The following USP25 variants were observed in gnomAD, a reference collection of about 807,000 sequenced individuals.
The protein encoded by USP25 is ubiquitin carboxyl-terminal hydrolase 25.
Under a neutral mutation model 158.5 loss-of-function variants are expected in USP25, and 85 were observed. The observed-to-expected ratio is 0.54, with a 90% CI of 0.45 to 0.64. The LOEUF (loss-of-function observed/expected upper bound fraction) is 0.64. Ranked by LOEUF, USP25 falls within the 30% of genes least tolerant of loss-of-function variation. USP25 has a pLI of 0.00. For missense variants in USP25, 1,242 were observed against 1,327.3 expected (o/e 0.94, Z 1.00); for synonymous variants, 464 against 460.4 (o/e 1.01, Z -0.10).
chr21:15,749,220 C>T (rs2032804450), intron 1 of USP25, among the ~76,000 whole-genome samples: 1 of 152,080 alleles, frequency 6.6e-6, no homozygotes, highest in Admixed American at 6.6e-5. Context: ...TATTTGAGTG[C>T]CTGGGCAATC....
In USP25 at chr21:15,833,397, A is replaced by G; in HGVS notation, c.2043A>G (p.Leu681=). The G allele has an allele frequency of 6.2e-7, 1 of 1,614,058 alleles. No homozygotes were observed. The highest frequency in any genetic ancestry group is 1.3e-5 in the African/African-American group (1 of 75,046). ...AGCCCCTTGTTGGTATAGAAACATTACCACCGGATTTGAGAGATTTTGTTG... is the reference window on the plus strand; with the variant it reads ...AGCCCCTTGTTGGTATAGAAACATTGCCACCGGATTTGAGAGATTTTGTTG... ...TGQPLVGIET[L]PPDLRDFVEE... The change falls in exon 17 of 26, where the codon TTA becomes TTG. Residue 681 remains leucine, a synonymous_variant. Transcript: ENST00000400183.
rs886891109 is a variant in USP25, at chr21:15,875,196, C to T, written c.3009+670C>T. ...TCTGTCTCAAAAAAACAAGAATATA[C>T]ATAGAATGTATTAGAGTAATTTGTT... On this transcript the variant is annotated intron_variant, in intron 24 of 25. Coordinates refer to ENST00000400183, the MANE Select transcript of USP25 (RefSeq NM_001283041.3). The surrounding 1 kb of genome is among the most constrained non-coding windows in gnomAD (Gnocchi z 4.7). Among the ~76,000 whole-genome samples, 4 of 152,080 alleles carry T rather than the reference C, an allele frequency of 2.6e-5. No homozygotes were observed. The highest frequency in any genetic ancestry group is 2.6e-4 in the Admixed American group (4 of 15,256).
intron 4 of USP25, among the ~76,000 whole-genome samples, chr21:15,789,592 A>G (rs1440844104): frequency 6.6e-6 from 1 of 152,004 alleles, no homozygotes; most frequent in Non-Finnish European, 1.5e-5. Flanking sequence ...CTTTTTACAT[A>G]TTGTCTGTCT....
intron 4 of USP25, among the ~76,000 whole-genome samples, chr21:15,782,363 A>G (rs1730523962): frequency 2.0e-5 from 3 of 152,210 alleles, no homozygotes; most frequent in African/African-American, 7.2e-5. Context: ...CCTTTAGTCC[A>G]ATAGCTGGTT....
At chr21:15,795,897 C>T (rs77314106) in intron 5 of USP25, among the ~76,000 whole-genome samples, 37 of 151,466 alleles carry the variant, frequency 2.4e-4, no homozygotes, top group African/African-American at 8.7e-4. Context: ...TTTAATCCTC[C>T]GAGGAGAATT....
intron 1 of USP25, among the ~76,000 whole-genome samples, chr21:15,758,230 T>A (rs2033510941): frequency 6.6e-6 from 1 of 152,182 alleles, no homozygotes; most frequent in African/African-American, 2.4e-5. Flanking sequence ...TGGAAGGACA[T>A]GCATTTGTAT....
At position 15,745,353 on chromosome 21, in the gene USP25, A is replaced by G. The variant is rs145569881; in HGVS notation, c.45+14915A>G. ...ATGTAATTACAAATACTTTCTCCCA[A>G]TGTGTGGCTTGTATTTGCATTTTCT... On this transcript the variant is annotated intron_variant, in intron 1 of 25. Transcript: ENST00000400183. Among the ~76,000 whole-genome samples, 330 of 151,796 alleles carry G rather than the reference A, an allele frequency of 2.2e-3. 2 individuals carry two copies. Among genetic ancestry groups the G allele is most frequent in the African/African-American group, 7.8e-3 (322 of 41,382 alleles).
chr21:15,808,140 T>A (rs780810721), intron 7 of USP25, among the ~76,000 whole-genome samples: 1 of 152,192 alleles, frequency 6.6e-6, no homozygotes, highest in Non-Finnish European at 1.5e-5. Flanking sequence ...TAGAGTTGAT[T>A]TATTGTTTTT....
At position 15,826,776 on chromosome 21, in the gene USP25, C is replaced by T. The variant is rs927155942; in HGVS notation, c.1467-201C>T. ...AATAAATATGATTAAGCTGTTTTAA[C>T]TCTAAAGCTACAACTTCATCTTATA... is the stretch of plus-strand genomic sequence containing the variant. On this transcript the variant is annotated intron_variant, in intron 13 of 25. Coordinates refer to ENST00000400183, the MANE Select transcript of USP25 (RefSeq NM_001283041.3). The surrounding 1 kb of genome is among the most constrained non-coding windows in gnomAD (Gnocchi z 4.8). Among the ~76,000 whole-genome samples, 1 of 152,112 alleles carries T rather than the reference C, an allele frequency of 6.6e-6. No homozygotes were observed. The highest frequency in any genetic ancestry group is 1.5e-5 in the Non-Finnish European group (1 of 68,024).
At chr21:15,799,658 G>A (rs2036033510) in intron 5 of USP25, 99 bp from the exon 6 acceptor site, 1 of 704,202 alleles carries the variant, frequency 1.4e-6, no homozygotes. Flanking sequence ...AGTATAAGTA[G>A]TACACAGTTG....
chr21:15,859,173 G>A (rs1283290861), intron 20 of USP25, among the ~76,000 whole-genome samples: 3 of 148,306 alleles, frequency 2.0e-5, no homozygotes, highest in Admixed American at 2.0e-4. Flanking sequence ...TAACCATTAA[G>A]GAGGCTTTCT....
At position 15,828,059 on chromosome 21, in the gene USP25, A is replaced by G. The variant is rs572164104; in HGVS notation, c.1693+856A>G. Among the ~76,000 whole-genome samples the G allele has an allele frequency of 2.8e-4, 42 of 152,206 alleles. No individual in the cohort carries two copies. In the South Asian group the frequency reaches 8.7e-3, roughly 32 times the overall value. On this transcript the variant is annotated intron_variant, in intron 14 of 25. Transcript: ENST00000400183. ...TTTTGAAAAAAATGAACTATGTGACATGGTTGGAATTATATTGAACAATAT... is the reference window on the plus strand; with the variant it reads ...TTTTGAAAAAAATGAACTATGTGACGTGGTTGGAATTATATTGAACAATAT...
intron 8 of USP25, 56 bp from the exon 9 acceptor site, chr21:15,811,081 C>T (rs575122139): frequency 1.4e-6 from 2 of 1,441,248 alleles, no homozygotes; most frequent in Non-Finnish European, 1.9e-6. Flanking sequence ...TTAATATTTT[C>T]TCTATTTATA....
Position 15,826,923 on chromosome 21 carries a change from G to A in USP25, c.1467-54G>A, listed in dbSNP as rs555415462. 9.9e-5 allele frequency: 156 copies of A among 1,581,234 alleles called. 3 individuals are homozygous for A. In the South Asian group the frequency reaches 1.7e-3, roughly 17 times the overall value. ...ATACTGTGGGTTTGGCACGATCTTT[G>A]TCAAGAGTTTCAGCTTGAAAGGTTA... On this transcript the variant is annotated intron_variant, in intron 13 of 25. Transcript: ENST00000400183. This position sits in a 1 kb window ranked among gnomAD's most constrained non-coding sequence, Gnocchi z 4.8.
chr21:15,778,066 T>A (rs1318644776), intron 4 of USP25, 39 bp downstream of exon 4: 3 of 1,493,408 alleles, frequency 2.0e-6, no homozygotes, highest in African/African-American at 1.4e-5. Context: ...ATAAGTACTT[T>A]TAAAAATAGA....
At chr21:15,804,860 C>T (rs1268110061) in intron 6 of USP25, among the ~76,000 whole-genome samples, 1 of 152,072 alleles carries the variant, frequency 6.6e-6, no homozygotes, top group Admixed American at 6.6e-5. Context: ...TGAGTAATGA[C>T]ATGATTTGCT....
intron 4 of USP25, among the ~76,000 whole-genome samples, chr21:15,789,964 A>G (rs2035502320): frequency 6.6e-6 from 1 of 152,024 alleles, no homozygotes; most frequent in Admixed American, 6.6e-5. Context: ...CAGTTTGTTC[A>G]GGTTATTATT....
intron 2 of USP25, among the ~76,000 whole-genome samples, chr21:15,763,444 C>T (rs957174668): frequency 6.6e-6 from 1 of 152,046 alleles, no homozygotes; most frequent in Non-Finnish European, 1.5e-5. Flanking sequence ...GTTAAACATT[C>T]AATTTCAAAC....
chr21:15,813,800 T>C (rs2036794858), intron 9 of USP25, among the ~76,000 whole-genome samples: 1 of 152,090 alleles, frequency 6.6e-6, no homozygotes, highest in East Asian at 1.9e-4. Context: ...TTATTAAACC[T>C]AGCCCCAGTT....
Sources: gnomAD v4.1 joint callset for allele counts (sites outside exome capture counted in the v4.1 genomes callset) on GRCh38, gnomAD v4.1.1 for gene constraint, Gnocchi (gnomAD v3.1) non-coding constraint, MANE v1.5 for transcripts, NCBI Gene and HGNC (gene_info 2026-07-23, HGNC 2026-07-21) for gene names.